SLC22A14: variants seen among roughly 807,000 people sequenced by gnomAD.
The protein encoded by SLC22A14 is solute carrier family 22 member 14, also known as organic cation transporter-like 4.
Under a neutral mutation model 53.9 loss-of-function variants are expected in SLC22A14, and 50 were observed. The observed-to-expected ratio is 0.93, with a 90% CI of 0.74 to 1.17. SLC22A14 has a LOEUF of 1.17. Among genes scored for constraint, SLC22A14 ranks in the 50% most tolerant of loss-of-function variants. SLC22A14 has a pLI of 0.00. For synonymous variants in SLC22A14, 312 were observed against 303.0 expected (o/e 1.03, Z -0.31); for missense variants, 671 against 734.7 (o/e 0.91, Z 1.00).
At chr3:38,302,012 C>A (rs1704171482) in intron 1 of SLC22A14, among the ~76,000 whole-genome samples, 1 of 150,916 alleles carries the variant, frequency 6.6e-6, no homozygotes, top group Non-Finnish European at 1.5e-5. Flanking sequence ...GCAGGCGGAT[C>A]ACCCAAGGTC....
At chr3:38,316,226 G>A in intron 9 of SLC22A14, 98 bp from the exon 10 acceptor site, 2 of 1,019,722 alleles carry the variant, frequency 2.0e-6, no homozygotes, top group South Asian at 2.8e-5. Flanking sequence ...ATGGGACAGG[G>A]TGGAGACTGG....
chr3:38,303,588 A>G (rs1372169359), intron 1 of SLC22A14, among the ~76,000 whole-genome samples: 2 of 152,070 alleles, frequency 1.3e-5, no homozygotes, highest in African/African-American at 4.8e-5. Context: ...GGGTTAGAAG[A>G]CTCAATATTG....
chr3:38,307,451 G>A lies in SLC22A14; in HGVS notation c.620+94G>A. The A allele has an allele frequency of 3.3e-6, 5 of 1,537,120 alleles. No homozygotes were observed. Among genetic ancestry groups the A allele is most frequent in the Non-Finnish European group, 4.5e-6 (5 of 1,111,724 alleles). ...GAGTGTGTCAGGCTGAGGGAGGTGAGGGTAGGGGTTCTCCAGGGACCCATG... is the reference window on the plus strand; with the variant it reads ...GAGTGTGTCAGGCTGAGGGAGGTGAAGGTAGGGGTTCTCCAGGGACCCATG... On this transcript the variant is annotated intron_variant, in intron 3 of 10. Coordinates refer to ENST00000448498, the MANE Select transcript of SLC22A14 (RefSeq NM_001320033.2). The surrounding 1 kb of genome is among the most constrained non-coding windows in gnomAD (Gnocchi z 4.4).
intron 1 of SLC22A14, among the ~76,000 whole-genome samples, chr3:38,304,179 A>T (rs933136337): frequency 2.0e-5 from 3 of 148,620 alleles, no homozygotes; most frequent in African/African-American, 7.5e-5. Context: ...TGACAGAGCG[A>T]GACTCTGTCT....
intron 8 of SLC22A14, 130 bp from the exon 9 acceptor site, chr3:38,315,428 A>T (rs962123141): frequency 2.1e-6 from 2 of 973,074 alleles, no homozygotes; most frequent in Admixed American, 2.6e-5. Flanking sequence ...GCCTCTGACA[A>T]CCTGCCACTC....
intron 1 of SLC22A14, among the ~76,000 whole-genome samples, chr3:38,283,419 G>A (rs1193733509): frequency 6.6e-6 from 1 of 152,040 alleles, no homozygotes; most frequent in Admixed American, 6.5e-5. Flanking sequence ...TGCCTCTTAT[G>A]CACCTCCAAA....
chr3:38,316,639 T>G (rs919273297), intron 10 of SLC22A14, 115 bp downstream of exon 10: 2 of 922,392 alleles, frequency 2.2e-6, no homozygotes, highest in East Asian at 5.3e-5. Context: ...AGCCTGTGAC[T>G]CGAAGGCTGC....
chr3:38,282,129 CAG>C (rs554198611), upstream of SLC22A14, among the ~76,000 whole-genome samples: 38 of 152,276 alleles, frequency 2.5e-4, no homozygotes, highest in African/African-American at 8.7e-4. Flanking sequence ...TGCACAAAGA[CAG>C]GGGCAGGGGG....
chr3:38,301,860 T>G (rs1704167266), intron 1 of SLC22A14, among the ~76,000 whole-genome samples: 1 of 151,902 alleles, frequency 6.6e-6, no homozygotes, highest in Non-Finnish European at 1.5e-5. Flanking sequence ...GTTTTCTGCA[T>G]CTATAAACAT....
chr3:38,296,986 G>A (rs888100958), intron 1 of SLC22A14, among the ~76,000 whole-genome samples: 1 of 152,170 alleles, frequency 6.6e-6, no homozygotes, highest in Admixed American at 6.5e-5. Context: ...TAACAAACAC[G>A]GACCAGAAGA....
At position 38,316,348 on chromosome 3, in the gene SLC22A14, T is replaced by C; in HGVS notation, c.1557T>C (p.Ser519=). ...GGGCGACAGGTCTGGGGCTGGTGTC[T>C]CTGGCCTCGGTGGCTGGAGCCATCT... ...VLRATGLGLV[S]LASVAGAILS... The change falls in exon 10 of 11, where the codon TCT becomes TCC. Residue 519 remains serine (S), a synonymous_variant. Coordinates refer to ENST00000448498, the MANE Select transcript of SLC22A14 (RefSeq NM_001320033.2). 4 of 1,614,128 alleles carry C rather than the reference T, an allele frequency of 2.5e-6. No individual in the cohort carries two copies. Among genetic ancestry groups the C allele is most frequent in the Non-Finnish European group, 2.5e-6 (3 of 1,180,026 alleles).
chr3:38,303,822 C>A (rs1395413935), intron 1 of SLC22A14: 4 of 152,064 alleles, frequency 2.6e-5, no homozygotes, highest in Non-Finnish European at 4.4e-5. Flanking sequence ...GTGCAGAGGT[C>A]ATGCTAATCT....
At chr3:38,288,906 A>C (rs1286596338) in intron 1 of SLC22A14, among the ~76,000 whole-genome samples, 1 of 152,160 alleles carries the variant, frequency 6.6e-6, no homozygotes, top group Non-Finnish European at 1.5e-5. Flanking sequence ...GAGACTGGGC[A>C]CAGTGGCTCA....
At chr3:38,313,606 T>A in intron 7 of SLC22A14, 121 bp downstream of exon 7, 1 of 936,452 alleles carries the variant, frequency 1.1e-6, no homozygotes, top group Admixed American at 1.9e-5. Flanking sequence ...ATCACAGGTC[T>A]CTGTGCTTAT....
rs1358857115 is a variant in SLC22A14 at position 38,286,291 on chromosome 3, C to G, written c.-1+3952C>G. Among the ~76,000 whole-genome samples the G allele has an allele frequency of 1.3e-5, 2 of 152,176 alleles. 1 individual carries two copies. Among genetic ancestry groups the G allele is most frequent in the African/African-American group, 4.8e-5 (2 of 41,432 alleles). ...TGTCAATCAAATGAGTATAAATATC[C>G]TACCATGGTCTTGATTTGCATTTCC... On this transcript the variant is annotated intron_variant, in intron 1 of 10. Transcript: ENST00000448498.
At chr3:38,311,911 T>C (rs1704477852) in intron 5 of SLC22A14, among the ~76,000 whole-genome samples, 1 of 152,218 alleles carries the variant, frequency 6.6e-6, no homozygotes, top group Admixed American at 6.5e-5. Context: ...CTTATTCCTG[T>C]TTTTTCAGTG....
chr3:38,291,187 A>G (rs948121663), intron 1 of SLC22A14, among the ~76,000 whole-genome samples: 1 of 152,140 alleles, frequency 6.6e-6, no homozygotes, highest in African/African-American at 2.4e-5. Context: ...TTTAATTATT[A>G]CTGACCACTG....
upstream of SLC22A14, among the ~76,000 whole-genome samples, chr3:38,281,589 A>G (rs1703669804): frequency 6.6e-6 from 1 of 152,146 alleles, no homozygotes; most frequent in Admixed American, 6.5e-5. Context: ...TTAACCCATT[A>G]ATCTACTAAT....
intron 6 of SLC22A14, 120 bp downstream of exon 6, chr3:38,313,239 A>G: frequency 1.4e-6 from 2 of 1,459,906 alleles, no homozygotes; most frequent in Admixed American, 3.6e-5. Context: ...CTGCTTAAGG[A>G]CAATGGTGAC....
Sources: gnomAD v4.1 joint callset for allele counts (sites outside exome capture counted in the v4.1 genomes callset) on GRCh38, gnomAD v4.1.1 for gene constraint, Gnocchi (gnomAD v3.1) non-coding constraint, MANE v1.5 for transcripts, NCBI Gene and HGNC (gene_info 2026-07-23, HGNC 2026-07-21) for gene names.